Variants in NRXN3 observed in about 807,000 individuals in gnomAD.
NRXN3 encodes the protein neurexin III.
In NRXN3, 32 loss-of-function variants were observed where a neutral mutation model predicts 137.6. The ratio of observed to expected loss-of-function variants is 0.23; its 90% CI spans 0.18 to 0.31. The LOEUF is 0.31. Among genes scored for constraint, NRXN3 ranks in the 10% least tolerant of loss-of-function variants. The pLI, the probability that NRXN3 is intolerant of heterozygous loss-of-function variation, is 1.00. For synonymous variants in NRXN3, 798 were observed against 784.5 expected (o/e 1.02, Z -0.29); for missense variants, 1,574 against 2,062.5 (o/e 0.76, Z 4.59).
intron 15 of NRXN3, among the ~76,000 whole-genome samples, chr14:79,137,164 G>T (rs373819065): frequency 8.5e-5 from 13 of 152,326 alleles, no homozygotes; most frequent in African/African-American, 2.4e-4. Flanking sequence ...ACTGGAGTTT[G>T]CAGGCATTTG....
intron 4 of NRXN3, among the ~76,000 whole-genome samples, chr14:78,397,936 C>T (rs537957264): frequency 6.6e-6 from 1 of 150,882 alleles, no homozygotes; most frequent in Admixed American, 6.6e-5. Flanking sequence ...GTTTTAGGGC[C>T]AGGGGCAGTG....
At chr14:78,415,039 G>C (rs1007240268) in intron 4 of NRXN3, among the ~76,000 whole-genome samples, 1 of 152,068 alleles carries the variant, frequency 6.6e-6, no homozygotes, top group Non-Finnish European at 1.5e-5. Flanking sequence ...CACTTACTTC[G>C]GAACCATAGA....
At chr14:79,798,549 A>C (rs2099167676) in intron 19 of NRXN3, among the ~76,000 whole-genome samples, 1 of 152,192 alleles carries the variant, frequency 6.6e-6, no homozygotes, top group Non-Finnish European at 1.5e-5. Flanking sequence ...AAAGGAGATC[A>C]TCATTCTTGA....
At chr14:78,357,567 CG>C (rs1366829046) in intron 4 of NRXN3, among the ~76,000 whole-genome samples, 1 of 152,130 alleles carries the variant, frequency 6.6e-6, no homozygotes, top group Non-Finnish European at 1.5e-5. Flanking sequence ...TGAAGTTGGA[CG>C]TTTTTTCTAA....
chr14:78,872,601 C>G (rs1034781922), intron 10 of NRXN3, among the ~76,000 whole-genome samples: 1 of 152,022 alleles, frequency 6.6e-6, no homozygotes, highest in Non-Finnish European at 1.5e-5. Context: ...CCATTAGAAA[C>G]TGTATAATTA....
intron 19 of NRXN3, among the ~76,000 whole-genome samples, chr14:79,741,829 CAG>C: frequency 6.7e-6 from 1 of 149,110 alleles, no homozygotes; most frequent in African/African-American, 2.5e-5. Flanking sequence ...CACACACACA[CAG>C]AGTATGTATA....
intron 10 of NRXN3, among the ~76,000 whole-genome samples, chr14:78,856,906 G>A (rs1367445088): frequency 6.6e-6 from 1 of 151,986 alleles, no homozygotes; most frequent in Non-Finnish European, 1.5e-5. Context: ...GCTAATTTTT[G>A]TATTTTTGTA....
At chr14:79,570,176 C>T (rs1201470138) in intron 16 of NRXN3, among the ~76,000 whole-genome samples, 3 of 152,148 alleles carry the variant, frequency 2.0e-5, no homozygotes, top group African/African-American at 7.2e-5. Flanking sequence ...TCGGTACTCT[C>T]ATGTGTGTTT....
At chr14:78,402,472 A>T (rs1167151642) in intron 4 of NRXN3, among the ~76,000 whole-genome samples, 1 of 152,222 alleles carries the variant, frequency 6.6e-6, no homozygotes, top group Non-Finnish European at 1.5e-5. Context: ...TTCTTTTAAG[A>T]ATCTTTACCA....
intron 16 of NRXN3, among the ~76,000 whole-genome samples, chr14:79,567,106 A>T (rs2097557931): frequency 6.6e-6 from 1 of 152,030 alleles, no homozygotes; most frequent in African/African-American, 2.4e-5. Context: ...TTTGCAGTTC[A>T]TTCTTTGTTG....
At chr14:79,752,236 G>T (rs1378797431) in intron 19 of NRXN3, among the ~76,000 whole-genome samples, 1 of 146,184 alleles carries the variant, frequency 6.8e-6, no homozygotes, top group Admixed American at 7.0e-5. Flanking sequence ...ATTGATTATT[G>T]CCACAATTTC....
At chr14:78,316,960 G>C (rs1441710030) in intron 4 of NRXN3, among the ~76,000 whole-genome samples, 3 of 152,086 alleles carry the variant, frequency 2.0e-5, no homozygotes, top group African/African-American at 4.8e-5. Context: ...GGTTCTCCAG[G>C]GAAACAAAAC....
chr14:78,664,549 A>G (rs1042062508), intron 6 of NRXN3, among the ~76,000 whole-genome samples: 4 of 152,198 alleles, frequency 2.6e-5, no homozygotes, highest in African/African-American at 9.6e-5. Flanking sequence ...CCCCTACTTC[A>G]TGGTTACTCT....
intron 16 of NRXN3, among the ~76,000 whole-genome samples, chr14:79,476,824 A>G (rs374313038): frequency 1.3e-5 from 2 of 152,206 alleles, no homozygotes; most frequent in Non-Finnish European, 1.5e-5. Flanking sequence ...AAGCTAAAGC[A>G]TTTTCCCAAG....
intron 4 of NRXN3, among the ~76,000 whole-genome samples, chr14:78,347,332 G>T (rs1490078536): frequency 6.6e-6 from 1 of 152,186 alleles, no homozygotes; most frequent in Non-Finnish European, 1.5e-5. Flanking sequence ...TGATTTTTCG[G>T]TGTTATCTGT....
chr14:79,144,656 G>T (rs774303556), intron 15 of NRXN3, among the ~76,000 whole-genome samples: 9 of 152,076 alleles, frequency 5.9e-5, no homozygotes, highest in African/African-American at 1.7e-4. Context: ...CTTGTGAAAT[G>T]GTCGCCTCTC....
chr14:78,390,126 G>C (rs924203746), intron 4 of NRXN3, among the ~76,000 whole-genome samples: 3 of 152,118 alleles, frequency 2.0e-5, no homozygotes, highest in Non-Finnish European at 4.4e-5. Flanking sequence ...TTAACACCGG[G>C]TACGGCAAGT....
At chr14:79,296,549 C>A (rs1419649905) in intron 15 of NRXN3, among the ~76,000 whole-genome samples, 1 of 151,462 alleles carries the variant, frequency 6.6e-6, no homozygotes, top group Non-Finnish European at 1.5e-5. Context: ...GAGTTTGGGG[C>A]TCTTTGATGG....
chr14:78,452,035 TA>T (rs2094564764), intron 4 of NRXN3, among the ~76,000 whole-genome samples: 1 of 152,214 alleles, frequency 6.6e-6, no homozygotes. Context: ...CCCACCTACC[TA>T]ACATTTTTTG....
Sources: allele counts gnomAD v4.1 joint callset (sites outside exome capture counted in the v4.1 genomes callset), GRCh38; gene constraint gnomAD v4.1.1; transcripts MANE v1.5; gene names NCBI Gene and HGNC (gene_info 2026-07-23, HGNC 2026-07-21).